Variants in ZNF138 observed in about 807,000 individuals in gnomAD.
The protein encoded by ZNF138 is zinc finger protein 138, also known as zinc finger protein 138 (clone pHZ-32).
A neutral mutation model predicts 33.0 loss-of-function variants in ZNF138; 33 were observed. That is an observed-to-expected ratio of 1.00 (90% CI 0.76 to 1.34). The LOEUF (loss-of-function observed/expected upper bound fraction) is 1.34. ZNF138 is among the 40% of genes most tolerant of loss of function. The probability of loss-of-function intolerance (pLI) is 0.00; values close to 1 mark genes in which losing one functional copy is unlikely to be tolerated. For synonymous variants in ZNF138, 139 were observed against 120.4 expected (o/e 1.15, Z -1.01); for missense variants, 360 against 370.8 (o/e 0.97, Z 0.24).
intron 1 of ZNF138, chr7:64,814,178 C>T: frequency 6.5e-6 from 7 of 1,075,226 alleles, no homozygotes; most frequent in Non-Finnish European, 8.1e-6. Context: ...GAATATCAGA[C>T]TTTATTCCAT....
chr7:64,853,875 G>A, the ZNF138 span, among the ~76,000 whole-genome samples: 1 of 151,894 alleles, frequency 6.6e-6, no homozygotes, highest in East Asian at 2.0e-4. Context: ...TGTGTCTCCA[G>A]AGATAACACT....
chr7:64,831,107 A>G (rs539254148), intron 3 of ZNF138: 1 of 1,549,848 alleles, frequency 6.5e-7, no homozygotes, highest in African/African-American at 1.4e-5. Flanking sequence ...TGCCTTTTGA[A>G]AAAGAAACCA....
chr7:64,852,863 A>T, the ZNF138 span: 2 of 870,092 alleles, frequency 2.3e-6, no homozygotes, highest in Non-Finnish European at 4.0e-6. Context: ...CCAGGGGTTT[A>T]GTACTGTTTG....
chr7:64,805,497 C>T (rs1409999072), intron 1 of ZNF138, among the ~76,000 whole-genome samples: 2 of 152,172 alleles, frequency 1.3e-5, no homozygotes, highest in African/African-American at 4.8e-5. Context: ...CAGGCTCCTC[C>T]TGCAGTTCAG....
intron 1 of ZNF138, among the ~76,000 whole-genome samples, chr7:64,802,504 A>G (rs1222264208): frequency 6.7e-6 from 1 of 149,200 alleles, no homozygotes; most frequent in Non-Finnish European, 1.5e-5. Context: ...AAGAAAATAT[A>G]TTTTGGTGTT....
At chr7:64,842,144 A>T in the ZNF138 span, among the ~76,000 whole-genome samples, 1 of 152,080 alleles carries the variant, frequency 6.6e-6, no homozygotes, top group African/African-American at 2.4e-5. Context: ...GCTCACTGCA[A>T]CCTCCGCCTC....
At chr7:64,859,172 C>T in the ZNF138 span, among the ~76,000 whole-genome samples, 1 of 152,048 alleles carries the variant, frequency 6.6e-6, no homozygotes, top group East Asian at 1.9e-4. Context: ...GTGAACCACC[C>T]ACCTCAGCCT....
chr7:64,821,713 A>C (rs1166997327), intron 3 of ZNF138, among the ~76,000 whole-genome samples: 1 of 149,336 alleles, frequency 6.7e-6, no homozygotes, highest in African/African-American at 2.5e-5. Flanking sequence ...CGCCTGGCTA[A>C]TTTTTGTATT....
At chr7:64,839,146 G>A in the ZNF138 span, among the ~76,000 whole-genome samples, 5 of 152,316 alleles carry the variant, frequency 3.3e-5, no homozygotes, top group South Asian at 4.1e-4. Context: ...AAATTGGTAA[G>A]GTCGTTTAGG....
chr7:64,814,147 G>A lies in ZNF138; in HGVS notation c.4-771G>A, dbSNP rs541155200. On this transcript the variant is annotated intron_variant, in intron 1 of 3. Transcript: ENST00000307355. ...TTGAGCCAAAAACATTGACATTAGC[G>A]GTGAGCTTGTTAGAAATTTAGAATA... is the stretch of plus-strand genomic sequence containing the variant. 155 of 1,173,122 alleles carry A rather than the reference G, an allele frequency of 1.3e-4. 2 individuals are homozygous for A. In the South Asian group the frequency reaches 2.4e-3, roughly 19 times the overall value. 72.7% of individuals were successfully genotyped at this position (1,173,122 alleles called of 1,614,324 possible). A position where few individuals can be genotyped will look rare whatever the true frequency, so the allele number is the denominator to read the frequency against.
the ZNF138 span, among the ~76,000 whole-genome samples, chr7:64,841,590 T>C: frequency 1.3e-5 from 2 of 152,328 alleles, no homozygotes; most frequent in Non-Finnish European, 2.9e-5. Context: ...AAGCTAAATA[T>C]TGCTGAACCT....
At chr7:64,847,347 T>G in the ZNF138 span, among the ~76,000 whole-genome samples, 2 of 142,856 alleles carry the variant, frequency 1.4e-5, no homozygotes, top group Non-Finnish European at 3.0e-5. Context: ...TTTTTTTTTT[T>G]TCTGCAGTTC....
chr7:64,843,990 A>G, the ZNF138 span, among the ~76,000 whole-genome samples: 2 of 151,888 alleles, frequency 1.3e-5, no homozygotes, highest in Non-Finnish European at 2.9e-5. Flanking sequence ...TGCCCAGCTA[A>G]TTTTTGTATT....
At chr7:64,845,402 CTT>C in the ZNF138 span, among the ~76,000 whole-genome samples, 1 of 152,174 alleles carries the variant, frequency 6.6e-6, no homozygotes, top group Non-Finnish European at 1.5e-5. Context: ...GTGCAAGTAT[CTT>C]TTTTGTATAA....
At chr7:64,838,866 T>C in the ZNF138 span, among the ~76,000 whole-genome samples, 1 of 149,970 alleles carries the variant, frequency 6.7e-6, no homozygotes, top group Non-Finnish European at 1.5e-5. Flanking sequence ...AGAACTAAAA[T>C]GGTGGCAGAG....
At chr7:64,828,733 C>T (rs1365725315) in intron 3 of ZNF138, among the ~76,000 whole-genome samples, 4 of 150,744 alleles carry the variant, frequency 2.7e-5, no homozygotes, top group African/African-American at 9.7e-5. Context: ...AATTCTGTAG[C>T]TTTGTAATAT....
chr7:64,822,323 G>A (rs1789235646), intron 3 of ZNF138, among the ~76,000 whole-genome samples: 1 of 151,566 alleles, frequency 6.6e-6, no homozygotes, highest in African/African-American at 2.4e-5. Context: ...CAATTTTTCT[G>A]TTCTTTTCTT....
At chr7:64,844,469 T>A in the ZNF138 span, among the ~76,000 whole-genome samples, 7 of 152,236 alleles carry the variant, frequency 4.6e-5, no homozygotes, top group Non-Finnish European at 1.0e-4. Flanking sequence ...GAGGGTCTGA[T>A]TTTAGGTCTG....
the ZNF138 span, among the ~76,000 whole-genome samples, chr7:64,841,819 G>C: frequency 1.3e-5 from 2 of 152,114 alleles, no homozygotes; most frequent in Admixed American, 1.3e-4. Flanking sequence ...TTTAGTTAGA[G>C]AGTTTGCTTA....
Sources: allele counts gnomAD v4.1 joint callset (sites outside exome capture counted in the v4.1 genomes callset), GRCh38; gene constraint gnomAD v4.1.1; transcripts MANE v1.5; gene names NCBI Gene and HGNC (gene_info 2026-07-23, HGNC 2026-07-21).